AUH: variants seen among roughly 807,000 people sequenced by gnomAD.
AUH encodes AU RNA binding methylglutaconyl-CoA hydratase.
In AUH, 29 loss-of-function variants were observed where a neutral mutation model predicts 42.3. That is an observed-to-expected ratio of 0.69 (90% CI 0.51 to 0.93). The LOEUF is 0.93. AUH is among the 40% of genes least tolerant of loss of function. The probability of loss-of-function intolerance (pLI) is 0.00; values close to 1 mark genes in which losing one functional copy is unlikely to be tolerated. For synonymous variants in AUH, 174 were observed against 166.4 expected, an observed-to-expected ratio of 1.05 and a Z score of -0.35; for missense variants, 452 against 438.1, an observed-to-expected ratio of 1.03 and a Z score of -0.28.
At chr9:91,325,607 G>A (rs1381931489) in intron 3 of AUH, among the ~76,000 whole-genome samples, 1 of 152,126 alleles carries the variant, frequency 6.6e-6, no homozygotes, top group Non-Finnish European at 1.5e-5. Flanking sequence ...TCTACCATGT[G>A]CTTAAAGCGG....
At chr9:91,360,679 T>C (rs907525690) in intron 1 of AUH, among the ~76,000 whole-genome samples, 1 of 152,228 alleles carries the variant, frequency 6.6e-6, no homozygotes, top group African/African-American at 2.4e-5. Flanking sequence ...CCTGCAGGTA[T>C]TACAGCCCTT....
chr9:91,239,756 CAT>C (rs1828397880), intron 6 of AUH, among the ~76,000 whole-genome samples: 2 of 131,420 alleles, frequency 1.5e-5, no homozygotes, highest in Non-Finnish European at 3.4e-5. Context: ...CACACACACA[CAT>C]GCACACACGC....
chr9:91,346,578 T>C (rs539861841), intron 3 of AUH, among the ~76,000 whole-genome samples: 1 of 152,332 alleles, frequency 6.6e-6, no homozygotes, highest in African/African-American at 2.4e-5. Context: ...CTGAGACCAA[T>C]TATGACGTCT....
At chr9:91,303,351 C>A (rs867298081) in intron 4 of AUH, among the ~76,000 whole-genome samples, 1 of 150,794 alleles carries the variant, frequency 6.6e-6, no homozygotes, top group African/African-American at 2.4e-5. Flanking sequence ...TTTTTTGAAA[C>A]GGAGTCTCTT....
intron 6 of AUH, among the ~76,000 whole-genome samples, chr9:91,263,823 A>G (rs1829826480): frequency 6.6e-6 from 1 of 152,112 alleles, no homozygotes; most frequent in Admixed American, 6.5e-5. Flanking sequence ...TTTAAAAATT[A>G]GAATTTAGCT....
intron 3 of AUH, among the ~76,000 whole-genome samples, chr9:91,346,774 C>G (rs1245852594): frequency 6.6e-6 from 1 of 151,856 alleles, no homozygotes; most frequent in East Asian, 1.9e-4. Context: ...CCAGGGGCAA[C>G]CCATATGTCT....
In AUH at chr9:91,295,901, A is replaced by G. The variant is rs1460627384; in HGVS notation, c.655+120T>C. On this transcript the variant is annotated intron_variant, in intron 6 of 9. Transcript: ENST00000375731. ...GAATGGGGACTTTGCTAGGGATGCA[A>G]ACAATATGCCATTGTCTCTTTACGC... 1.4e-5 allele frequency: 16 copies of G among 1,142,608 alleles called. No individual in the cohort carries two copies. In the East Asian group the frequency reaches 3.7e-4, roughly 27 times the overall value. The allele number at this position is 1,142,608 out of a possible 1,614,324, so 70.8% of individuals were successfully genotyped here.
At chr9:91,330,820 T>C (rs1473071808) in intron 3 of AUH, among the ~76,000 whole-genome samples, 2 of 152,324 alleles carry the variant, frequency 1.3e-5, no homozygotes, top group Non-Finnish European at 2.9e-5. Context: ...AAATTCCAAC[T>C]ACATAAAGTT....
rs1449079870 is a variant in AUH, at chr9:91,214,104, T to C, written c.*244A>G. ...TATGCAGTAAATATTTAAAAATGTA[T>C]ATCTAACTTTGATTCTGTTTCTGAC... On this transcript the variant is annotated 3_prime_UTR_variant, in exon 10 of 10. Coordinates refer to ENST00000375731, the MANE Select transcript of AUH (RefSeq NM_001698.3). The C allele has an allele frequency of 4.7e-6, 2 of 424,012 alleles. No homozygotes were observed. The highest frequency in any genetic ancestry group is 8.6e-6 in the Non-Finnish European group (2 of 233,260). The allele number at this position is 424,012 out of a possible 1,614,324, so 26.3% of individuals were successfully genotyped here.
At chr9:91,351,527 A>T (rs1265963060) in intron 3 of AUH, among the ~76,000 whole-genome samples, 1 of 152,210 alleles carries the variant, frequency 6.6e-6, no homozygotes, top group Non-Finnish European at 1.5e-5. Flanking sequence ...TTGTATAAAC[A>T]TCATTGAGTA....
At chr9:91,360,772 C>T (rs1411033268) in intron 1 of AUH, among the ~76,000 whole-genome samples, 1 of 152,208 alleles carries the variant, frequency 6.6e-6, no homozygotes, top group African/African-American at 2.4e-5. Context: ...TCACGACTTA[C>T]ACGCTTTTCA....
intron 3 of AUH, among the ~76,000 whole-genome samples, chr9:91,327,453 A>C (rs887050988): frequency 3.3e-5 from 5 of 152,160 alleles, no homozygotes; most frequent in South Asian, 2.1e-4. Context: ...CCAGGGATGA[A>C]TCAGCACACA....
At chr9:91,310,489 G>C (rs1828618073) in intron 4 of AUH, among the ~76,000 whole-genome samples, 1 of 152,168 alleles carries the variant, frequency 6.6e-6, no homozygotes, top group South Asian at 2.1e-4. Context: ...CATGGTTCTT[G>C]CAATGGGGAG....
intron 4 of AUH, among the ~76,000 whole-genome samples, chr9:91,314,408 C>G (rs901169270): frequency 3.3e-5 from 5 of 149,940 alleles, no homozygotes; most frequent in Non-Finnish European, 7.4e-5. Flanking sequence ...ACTTGAGCCC[C>G]GGAGGTCGAG....
intron 6 of AUH, among the ~76,000 whole-genome samples, chr9:91,272,193 G>A (rs1026908262): frequency 1.3e-5 from 2 of 152,086 alleles, no homozygotes; most frequent in African/African-American, 4.8e-5. Flanking sequence ...CGAACATATG[G>A]TCCAGATTTA....
At chr9:91,285,994 G>A (rs758077637) in intron 6 of AUH, among the ~76,000 whole-genome samples, 16 of 151,780 alleles carry the variant, frequency 1.1e-4, no homozygotes, top group Non-Finnish European at 2.1e-4. Context: ...AAAAAAAATC[G>A]TTTTGTTATG....
intron 3 of AUH, among the ~76,000 whole-genome samples, chr9:91,331,895 A>G (rs1022870484): frequency 6.6e-6 from 1 of 152,236 alleles, no homozygotes; most frequent in African/African-American, 2.4e-5. Context: ...TTCAACAGCC[A>G]AAAACGTCCC....
intron 4 of AUH, among the ~76,000 whole-genome samples, chr9:91,306,734 T>C (rs184899626): frequency 1.8e-4 from 28 of 152,316 alleles, no homozygotes; most frequent in South Asian, 1.2e-3. Context: ...CACAGGGAAC[T>C]TGACAGTCTC....
intron 3 of AUH, among the ~76,000 whole-genome samples, chr9:91,346,765 C>T (rs1052244711): frequency 6.6e-6 from 1 of 151,916 alleles, no homozygotes; most frequent in Non-Finnish European, 1.5e-5. Context: ...TCACAAGTCC[C>T]AGGGGCAACC....
Sources: gnomAD v4.1 joint callset for allele counts (sites outside exome capture counted in the v4.1 genomes callset) on GRCh38, gnomAD v4.1.1 for gene constraint, MANE v1.5 for transcripts, NCBI Gene and HGNC (gene_info 2026-07-23, HGNC 2026-07-21) for gene names.